Variants in PRIM2 observed in about 807,000 individuals in gnomAD.
PRIM2 encodes DNA primase subunit 2, also known as DNA primase large subunit.
A neutral mutation model predicts 67.3 loss-of-function variants in PRIM2; 39 were observed. The observed-to-expected ratio is 0.58, with a 90% CI of 0.45 to 0.76. The LOEUF is 0.76. Among genes scored for constraint, PRIM2 ranks in the 30% least tolerant of loss-of-function variants. The pLI is 0.00. For synonymous variants in PRIM2, 143 were observed against 198.7 expected (o/e 0.72, Z 2.36); for missense variants, 398 against 598.7 (o/e 0.66, Z 3.50).
intron 6 of PRIM2, among the ~76,000 whole-genome samples, chr6:57,380,915 G>C (rs2109642): frequency 0.7 from 97,829 of 139,614 alleles, 34,231 homozygotes; most frequent in African/African-American, 0.83. Context: ...GTTAGCCTGT[G>C]TCTTCCTCCC....
chr6:57,609,414 T>C (rs1776623784), intron 12 of PRIM2, among the ~76,000 whole-genome samples: 1 of 152,196 alleles, frequency 6.6e-6, no homozygotes, highest in Non-Finnish European at 1.5e-5. Context: ...ATGAATGATA[T>C]TCTGGTTATA....
At chr6:57,595,249 G>A (rs1466602696) in intron 10 of PRIM2, among the ~76,000 whole-genome samples, 4 of 152,088 alleles carry the variant, frequency 2.6e-5, no homozygotes, top group African/African-American at 9.7e-5. Flanking sequence ...ACCTACAAAA[G>A]TCATATGTAA....
At chr6:57,635,050 C>A (rs1777095982) in intron 13 of PRIM2, among the ~76,000 whole-genome samples, 1 of 152,146 alleles carries the variant, frequency 6.6e-6, no homozygotes, top group Admixed American at 6.5e-5. Flanking sequence ...AAAATAAAAT[C>A]CTATGTTTAT....
At chr6:57,331,635 CT>C (rs1459520335) in intron 5 of PRIM2, among the ~76,000 whole-genome samples, 1 of 151,942 alleles carries the variant, frequency 6.6e-6, no homozygotes, top group East Asian at 1.9e-4. Flanking sequence ...TAATTTGTGT[CT>C]TTTTTGGAAT....
chr6:57,323,793 AAAAG>A (rs1767742075), intron 3 of PRIM2, among the ~76,000 whole-genome samples: 1 of 152,152 alleles, frequency 6.6e-6, no homozygotes, highest in Non-Finnish European at 1.5e-5. Context: ...GGAAAAAAAA[AAAAG>A]AAATGTTTTG....
At chr6:57,239,968 G>A in the PRIM2 span, among the ~76,000 whole-genome samples, 2 of 152,084 alleles carry the variant, frequency 1.3e-5, no homozygotes, top group Non-Finnish European at 2.9e-5. Flanking sequence ...CATAGTTCTT[G>A]CCCTCATACA....
chr6:57,439,042 T>G (rs1225742672), intron 7 of PRIM2, among the ~76,000 whole-genome samples: 1 of 152,152 alleles, frequency 6.6e-6, no homozygotes, highest in African/African-American at 2.4e-5. Context: ...ATGTTGCATC[T>G]TAGGATAGAA....
chr6:57,225,005 C>A, the PRIM2 span, among the ~76,000 whole-genome samples: 2 of 152,220 alleles, frequency 1.3e-5, no homozygotes, highest in Non-Finnish European at 2.9e-5. Flanking sequence ...ATATGGCAAA[C>A]CTTGCAAAAT....
At chr6:57,295,763 T>C in the PRIM2 span, among the ~76,000 whole-genome samples, 2 of 152,152 alleles carry the variant, frequency 1.3e-5, no homozygotes, top group African/African-American at 2.4e-5. Flanking sequence ...CCTTAACTCA[T>C]TTACAAAATT....
intron 5 of PRIM2, among the ~76,000 whole-genome samples, chr6:57,362,640 C>T (rs1010107880): frequency 1.3e-5 from 2 of 151,842 alleles, no homozygotes; most frequent in Non-Finnish European, 2.9e-5. Context: ...CAGTTTTCTA[C>T]TGGGCTACAT....
chr6:57,292,180 C>G, the PRIM2 span, among the ~76,000 whole-genome samples: 33 of 152,282 alleles, frequency 2.2e-4, no homozygotes, highest in South Asian at 6.0e-3. Flanking sequence ...GCAAAAATCA[C>G]AAGCATTCCT....
chr6:57,638,915 C>CA (rs1777175676), intron 13 of PRIM2, among the ~76,000 whole-genome samples: 1 of 152,288 alleles, frequency 6.6e-6, no homozygotes, highest in South Asian at 2.1e-4. Flanking sequence ...ACCTAATAGA[C>CA]ATCTACAGAA....
the PRIM2 span, among the ~76,000 whole-genome samples, chr6:57,293,845 G>A: frequency 2.2e-4 from 33 of 151,318 alleles, no homozygotes; most frequent in Non-Finnish European, 3.8e-4. Context: ...GGGGGGTGGG[G>A]GTCTGGGGGA....
At chr6:57,443,627 A>G (rs550757893) in intron 7 of PRIM2, among the ~76,000 whole-genome samples, 6 of 151,690 alleles carry the variant, frequency 4.0e-5, no homozygotes, top group South Asian at 2.1e-4. Context: ...TTTTCTTGCT[A>G]TTGAGTTGTT....
At chr6:57,352,200 T>G (rs936160410) in intron 5 of PRIM2, among the ~76,000 whole-genome samples, 1 of 152,194 alleles carries the variant, frequency 6.6e-6, no homozygotes, top group Admixed American at 6.6e-5. Context: ...TTGTGATAAA[T>G]ATGTAATTCA....
At chr6:57,615,080 TA>T (rs1475301910) in intron 12 of PRIM2, among the ~76,000 whole-genome samples, 3 of 152,170 alleles carry the variant, frequency 2.0e-5, no homozygotes, top group Non-Finnish European at 4.4e-5. Flanking sequence ...GCTTTTCCTT[TA>T]AAAACCTGCA....
intron 7 of PRIM2, among the ~76,000 whole-genome samples, chr6:57,506,868 G>A (rs1410698252): frequency 6.6e-6 from 1 of 151,908 alleles, no homozygotes; most frequent in East Asian, 1.9e-4. Context: ...AGTTGCTTCT[G>A]TATACTTAAA....
At chr6:57,389,130 G>T (rs368264025) in intron 7 of PRIM2, among the ~76,000 whole-genome samples, 8 of 151,920 alleles carry the variant, frequency 5.3e-5, no homozygotes, top group Non-Finnish European at 1.0e-4. Flanking sequence ...TTTAGACAGG[G>T]TCTCTACTCT....
intron 12 of PRIM2, among the ~76,000 whole-genome samples, chr6:57,613,050 C>T (rs1454974080): frequency 6.6e-6 from 1 of 152,058 alleles, no homozygotes; most frequent in African/African-American, 2.4e-5. Context: ...TCACCTTGGC[C>T]TCCCAAAGTG....
Sources: allele counts gnomAD v4.1 joint callset (sites outside exome capture counted in the v4.1 genomes callset), GRCh38; gene constraint gnomAD v4.1.1; transcripts MANE v1.5; gene names NCBI Gene and HGNC (gene_info 2026-07-23, HGNC 2026-07-21).